The following FRMD4A variants were observed in gnomAD, a reference collection of about 807,000 sequenced individuals.
FRMD4A encodes FERM domain containing 4A.
A neutral mutation model predicts 129.1 loss-of-function variants in FRMD4A; 29 were observed. That is an observed-to-expected ratio of 0.22 (90% CI 0.17 to 0.31). The LOEUF (loss-of-function observed/expected upper bound fraction) is 0.31. FRMD4A is among the 10% of genes least tolerant of loss of function. The probability of loss-of-function intolerance (pLI) is 1.00; values close to 1 mark genes in which losing one functional copy is unlikely to be tolerated. For missense variants in FRMD4A, 1,272 were observed against 1,375.8 expected (o/e 0.92, Z 1.19); for synonymous variants, 634 against 571.6 (o/e 1.11, Z -1.56).
At chr10:14,125,871 A>C (rs1482069657) in intron 2 of FRMD4A, among the ~76,000 whole-genome samples, 2 of 152,194 alleles carry the variant, frequency 1.3e-5, no homozygotes, top group Non-Finnish European at 2.9e-5. Context: ...AAACAAAACA[A>C]AACAAAACAG....
At chr10:14,007,967 G>GT in intron 2 of FRMD4A, 1 of 1,256,702 alleles carries the variant, frequency 8.0e-7, no homozygotes. Flanking sequence ...TTCAGGAAAC[G>GT]TGAGTAACAG....
intron 2 of FRMD4A, among the ~76,000 whole-genome samples, chr10:14,071,695 G>A (rs1368327491): frequency 2.0e-5 from 3 of 152,056 alleles, no homozygotes; most frequent in Admixed American, 6.5e-5. Flanking sequence ...ACTGGGCTTG[G>A]GTGTTCTTGG....
intron 2 of FRMD4A, among the ~76,000 whole-genome samples, chr10:14,020,127 C>T (rs1016808046): frequency 5.9e-5 from 9 of 152,188 alleles, no homozygotes; most frequent in South Asian, 2.1e-4. Context: ...ACTGATCTCC[C>T]GTCTTGTGCT....
At chr10:13,702,544 G>A (rs751346298) in intron 13 of FRMD4A, among the ~76,000 whole-genome samples, 8,203 of 133,568 alleles carry the variant, frequency 0.061, 633 homozygotes, top group African/African-American at 0.24. Flanking sequence ...GTTTGCATGT[G>A]TGTGTGTGTG....
At chr10:13,761,117 TA>T (rs2092055695) in intron 8 of FRMD4A, among the ~76,000 whole-genome samples, 1 of 152,226 alleles carries the variant, frequency 6.6e-6, no homozygotes, top group Admixed American at 6.5e-5. Flanking sequence ...AGATTCCCAG[TA>T]GTTGTCTGTT....
At chr10:13,901,038 A>G (rs982132630) in intron 2 of FRMD4A, among the ~76,000 whole-genome samples, 7 of 152,198 alleles carry the variant, frequency 4.6e-5, no homozygotes, top group Non-Finnish European at 7.3e-5. Flanking sequence ...TGTTAACCCC[A>G]TTTATAGGTG....
chr10:14,146,799 A>G (rs1209396778), intron 2 of FRMD4A, among the ~76,000 whole-genome samples: 4 of 152,218 alleles, frequency 2.6e-5, no homozygotes, highest in African/African-American at 7.2e-5. Context: ...TCTCACCAAG[A>G]GCACACAGCA....
intron 13 of FRMD4A, among the ~76,000 whole-genome samples, chr10:13,705,512 C>T (rs72769526): frequency 0.08 from 12,182 of 152,200 alleles, 624 homozygotes; most frequent in Non-Finnish European, 0.11. Flanking sequence ...ATGGAGCATC[C>T]CCTTTCTGCA....
intron 12 of FRMD4A, among the ~76,000 whole-genome samples, chr10:13,716,563 C>T (rs1368073698): frequency 6.6e-6 from 1 of 152,208 alleles, no homozygotes; most frequent in East Asian, 1.9e-4. Context: ...GTTCTTCCGG[C>T]CAATTGCGTC....
chr10:13,727,522 G>A (rs1249257745), intron 12 of FRMD4A, among the ~76,000 whole-genome samples: 1 of 152,150 alleles, frequency 6.6e-6, no homozygotes, highest in Non-Finnish European at 1.5e-5. Context: ...TTTCGTCTAG[G>A]TTGAGGGCGC....
intron 2 of FRMD4A, among the ~76,000 whole-genome samples, chr10:14,174,408 A>G (rs1841623847): frequency 6.6e-6 from 1 of 152,140 alleles, no homozygotes; most frequent in Non-Finnish European, 1.5e-5. Flanking sequence ...AAGAACAGTG[A>G]TCTGTAACAA....
chr10:14,081,470 T>A (rs1277694827), intron 2 of FRMD4A, among the ~76,000 whole-genome samples: 3 of 152,100 alleles, frequency 2.0e-5, no homozygotes, highest in African/African-American at 7.2e-5. Flanking sequence ...GTGGCAGAAT[T>A]GAGTGGGAAC....
At chr10:13,822,462 G>T (rs750509391) in intron 3 of FRMD4A, among the ~76,000 whole-genome samples, 12 of 152,148 alleles carry the variant, frequency 7.9e-5, no homozygotes, top group Non-Finnish European at 1.8e-4. Context: ...GACATTTGTG[G>T]ACTTACACCC....
intron 2 of FRMD4A, among the ~76,000 whole-genome samples, chr10:14,197,273 G>A (rs913582301): frequency 6.6e-6 from 1 of 152,156 alleles, no homozygotes; most frequent in Non-Finnish European, 1.5e-5. Context: ...GGAACCACGT[G>A]ATAACTTTTA....
Position 14,283,279 on chromosome 10 carries a change from T to G in FRMD4A, c.45+46779A>C, listed in dbSNP as rs575580532. On this transcript the variant is annotated intron_variant, in intron 2 of 24. Transcript: ENST00000357447. The stretch of plus-strand genomic sequence containing the variant: ...AGTAAGATTTCCAGGGTTAAAATGG[T>G]TTTGAATTGGAATGACTTCTGCCAG... Among the ~76,000 whole-genome samples, 4 of 152,348 alleles carry G rather than the reference T, an allele frequency of 2.6e-5. No individual in the cohort carries two copies. In the East Asian group the frequency reaches 7.7e-4, roughly 29 times the overall value.
In FRMD4A at chr10:14,152,433, G is replaced by C. The variant is rs76871654; in HGVS notation, c.45+177625C>G. 4.0e-3 allele frequency among the ~76,000 whole-genome samples: 602 copies of C among 152,204 alleles called. 8 individuals carry two copies. The East Asian group carries it at 0.042, about 11-fold the overall frequency. ...GTGAGCCACCGCACTGGCCATGTTT[G>C]TGTAGTTCTATTGGAAAAGTCTAAA... On this transcript the variant is annotated intron_variant, in intron 2 of 24. Transcript: ENST00000357447.
At chr10:13,949,265 T>C (rs982265445) in intron 2 of FRMD4A, among the ~76,000 whole-genome samples, 2 of 139,732 alleles carry the variant, frequency 1.4e-5, no homozygotes, top group African/African-American at 2.8e-5. Flanking sequence ...TGGGTGAATC[T>C]GTGAGACGAG....
At chr10:13,837,948 C>T (rs1256923627) in intron 3 of FRMD4A, among the ~76,000 whole-genome samples, 2 of 152,214 alleles carry the variant, frequency 1.3e-5, no homozygotes, top group African/African-American at 4.8e-5. Flanking sequence ...ATGAAGACCT[C>T]TTAAGGGGAT....
intron 14 of FRMD4A, among the ~76,000 whole-genome samples, chr10:13,697,313 C>T (rs1021758782): frequency 3.9e-5 from 6 of 152,142 alleles, no homozygotes; most frequent in South Asian, 4.1e-4. Flanking sequence ...TGGTCCACCA[C>T]GCCTGGCTAT....
Sources: gnomAD v4.1 joint callset for allele counts (sites outside exome capture counted in the v4.1 genomes callset) on GRCh38, gnomAD v4.1.1 for gene constraint, MANE v1.5 for transcripts, NCBI Gene and HGNC (gene_info 2026-07-23, HGNC 2026-07-21) for gene names.